OR1J2: variants seen among roughly 807,000 people sequenced by gnomAD.
The protein encoded by OR1J2 is olfactory receptor 1J2.
For synonymous variants in OR1J2, 142 were observed against 99.7 expected (o/e 1.42, Z -2.52); for missense variants, 304 against 246.1 (o/e 1.24, Z -1.57).
chr9:122,477,871 A>T, the OR1J2 span: 20 of 1,613,016 alleles, frequency 1.2e-5, no homozygotes, highest in South Asian at 2.0e-4. Flanking sequence ...CTCTGGCCGG[A>T]TGGGGAGGCC....
chr9:122,549,123 G>A, the OR1J2 span, among the ~76,000 whole-genome samples: 1,254 of 152,120 alleles, frequency 8.2e-3, 59 homozygotes, highest in South Asian at 0.13. Flanking sequence ...TGGATGTGGG[G>A]CCTAGTGAGA....
the OR1J2 span, among the ~76,000 whole-genome samples, chr9:122,478,930 A>G: frequency 6.6e-6 from 1 of 151,966 alleles, no homozygotes; most frequent in Non-Finnish European, 1.5e-5. Flanking sequence ...GAGTTTCACC[A>G]TGTTGGTCAG....
At chr9:122,542,478 T>C in the OR1J2 span, among the ~76,000 whole-genome samples, 1 of 152,210 alleles carries the variant, frequency 6.6e-6, no homozygotes, top group African/African-American at 2.4e-5. Context: ...CCCTGTATTT[T>C]CAACAGAACT....
At chr9:122,493,878 GTT>G in the OR1J2 span, among the ~76,000 whole-genome samples, 7 of 152,036 alleles carry the variant, frequency 4.6e-5, no homozygotes, top group Non-Finnish European at 1.0e-4. Context: ...TATCCCAGAG[GTT>G]TTGATAGATC....
chr9:122,503,801 A>C, the OR1J2 span, among the ~76,000 whole-genome samples: 1 of 152,218 alleles, frequency 6.6e-6, no homozygotes, highest in Non-Finnish European at 1.5e-5. Context: ...TTTACACAAG[A>C]TATGACCAGG....
At chr9:122,559,719 G>A in the OR1J2 span, among the ~76,000 whole-genome samples, 4 of 152,152 alleles carry the variant, frequency 2.6e-5, no homozygotes, top group Non-Finnish European at 4.4e-5. Flanking sequence ...TTTTGCATTT[G>A]CTGGGGAGTT....
rs775255940 is a variant in OR1J2 at position 122,511,141 on chromosome 9, C to A, written c.340C>A (p.Leu114Ile). The change falls in exon 1 of 1, where the codon CTT becomes ATT. Residue 114 changes from leucine (L) to isoleucine (I), a missense_variant. By Grantham distance (5) the Leu-to-Ile change is conservative (BLOSUM62 2). Coordinates refer to ENST00000335302, the MANE Select transcript of OR1J2 (RefSeq NM_054107.1). ...ATTTTTTACTGACCTGGACAGCTTC[C>A]TTATTACATCAATGGCATATGACCG... ...FIFFTDLDSF[L>I]ITSMAYDRYV... The A allele has an allele frequency of 1.3e-6, 1 of 777,604 alleles. No homozygotes were observed. Among genetic ancestry groups the A allele is most frequent in the South Asian group, 1.6e-5 (1 of 62,620 alleles). 48.2% of individuals were successfully genotyped at this position (777,604 alleles called of 1,614,324 possible).
At chr9:122,539,234 CAT>C in the OR1J2 span, among the ~76,000 whole-genome samples, 1 of 152,288 alleles carries the variant, frequency 6.6e-6, no homozygotes. Flanking sequence ...CGTCATTTAA[CAT>C]TAGGTATATC....
the OR1J2 span, chr9:122,520,033 A>G: frequency 2.5e-6 from 4 of 1,614,012 alleles, no homozygotes; most frequent in Non-Finnish European, 2.5e-6. Flanking sequence ...AGGGACATAA[A>G]GGGAGCCCTG....
At chr9:122,475,540 C>T in the OR1J2 span, among the ~76,000 whole-genome samples, 1 of 152,308 alleles carries the variant, frequency 6.6e-6, no homozygotes, top group Admixed American at 6.5e-5. Flanking sequence ...GAAAACTTTA[C>T]AAGACACTCT....
the OR1J2 span, among the ~76,000 whole-genome samples, chr9:122,537,720 C>T: frequency 2.0e-5 from 3 of 152,058 alleles, no homozygotes; most frequent in African/African-American, 7.2e-5. Flanking sequence ...GGCCTCATTT[C>T]CTGGGCTGGC....
At chr9:122,492,201 T>C in the OR1J2 span, among the ~76,000 whole-genome samples, 1 of 152,050 alleles carries the variant, frequency 6.6e-6, no homozygotes, top group African/African-American at 2.4e-5. Context: ...GCCACATAAG[T>C]CCTTGACTAC....
chr9:122,548,827 G>GTTGTTGTTT, the OR1J2 span, among the ~76,000 whole-genome samples: 4 of 141,874 alleles, frequency 2.8e-5, no homozygotes, highest in Admixed American at 3.1e-4. Context: ...TGTTGTTGTT[G>GTTGTTGTTT]TTGTTGAGCT....
the OR1J2 span, among the ~76,000 whole-genome samples, chr9:122,524,489 G>A: frequency 1.3e-4 from 20 of 152,312 alleles, no homozygotes; most frequent in African/African-American, 3.1e-4. Flanking sequence ...AACAGTGTCC[G>A]TTGATGAATC....
At chr9:122,530,888 T>C in the OR1J2 span, among the ~76,000 whole-genome samples, 11 of 152,148 alleles carry the variant, frequency 7.2e-5, 1 homozygote, top group South Asian at 6.2e-4. Context: ...CAGGAACAGG[T>C]CATTTTCACT....
the OR1J2 span, among the ~76,000 whole-genome samples, chr9:122,534,984 T>G: frequency 6.6e-6 from 1 of 152,086 alleles, no homozygotes; most frequent in Non-Finnish European, 1.5e-5. Flanking sequence ...ATAAGGCATT[T>G]AGGTTTTAGG....
At chr9:122,494,946 C>G in the OR1J2 span, among the ~76,000 whole-genome samples, 1 of 152,066 alleles carries the variant, frequency 6.6e-6, no homozygotes, top group East Asian at 1.9e-4. Context: ...TTTATGAAGC[C>G]TAGTTTTGCT....
the OR1J2 span, among the ~76,000 whole-genome samples, chr9:122,482,368 T>A: frequency 1.3e-5 from 2 of 151,986 alleles, no homozygotes; most frequent in Non-Finnish European, 2.9e-5. Context: ...GACAAAAAAA[T>A]ACCAAATACT....
the OR1J2 span, among the ~76,000 whole-genome samples, chr9:122,561,241 G>A: frequency 3.3e-5 from 5 of 152,126 alleles, no homozygotes; most frequent in African/African-American, 1.2e-4. Flanking sequence ...GCTCATGTAA[G>A]CCTTTATCAA....
Sources: gnomAD v4.1 joint callset for allele counts (sites outside exome capture counted in the v4.1 genomes callset) on GRCh38, gnomAD v4.1.1 for gene constraint, MANE v1.5 for transcripts, NCBI Gene and HGNC (gene_info 2026-07-23, HGNC 2026-07-21) for gene names.